PCSK5: variants seen among roughly 807,000 people sequenced by gnomAD.
The protein encoded by PCSK5 is prohormone convertase 5.
In PCSK5, 129 loss-of-function variants were observed where a neutral mutation model predicts 233.2. The observed-to-expected ratio is 0.55, with a 90% CI of 0.48 to 0.64. The LOEUF is 0.64. Among genes scored for constraint, PCSK5 ranks in the 30% least tolerant of loss-of-function variants. The pLI is 0.00. For missense variants in PCSK5, 2,076 were observed against 2,430.1 expected (o/e 0.85, Z 3.06); for synonymous variants, 825 against 879.2 (o/e 0.94, Z 1.09).
At chr9:76,331,120 C>T (rs889819821) in intron 33 of PCSK5, among the ~76,000 whole-genome samples, 1 of 152,176 alleles carries the variant, frequency 6.6e-6, no homozygotes, top group Non-Finnish European at 1.5e-5. Context: ...CTCACATTCT[C>T]TCTACCCTGT....
At chr9:76,327,963 AC>A in intron 32 of PCSK5, 45 bp from the exon 33 acceptor site, 1 of 1,258,644 alleles carries the variant, frequency 7.9e-7, no homozygotes. Context: ...CACGAGGGCC[AC>A]CCTGGCTCTC....
chr9:76,124,727 C>A, intron 9 of PCSK5, among the ~76,000 whole-genome samples: 1 of 116,370 alleles, frequency 8.6e-6, no homozygotes. Context: ...AGCCTGGCGA[C>A]AGAGCAAGAC....
chr9:76,065,814 T>C (rs911356873), intron 5 of PCSK5, among the ~76,000 whole-genome samples: 2 of 152,048 alleles, frequency 1.3e-5, no homozygotes, highest in Admixed American at 6.6e-5. Context: ...TTGATTTCCA[T>C]ATAGGGTGCG....
At chr9:76,111,601 A>G (rs1054220453) in intron 9 of PCSK5, among the ~76,000 whole-genome samples, 5 of 152,038 alleles carry the variant, frequency 3.3e-5, no homozygotes, top group African/African-American at 9.7e-5. Context: ...TTTTTTGGTA[A>G]CTTTCTGGTG....
intron 20 of PCSK5, among the ~76,000 whole-genome samples, chr9:76,217,795 C>T (rs2131295991): frequency 6.6e-6 from 1 of 152,290 alleles, no homozygotes; most frequent in African/African-American, 2.4e-5. Context: ...CAGCCTAAAG[C>T]TCTGATAGGA....
chr9:76,206,969 G>GT (rs1340848427), intron 20 of PCSK5, among the ~76,000 whole-genome samples: 1 of 152,116 alleles, frequency 6.6e-6, no homozygotes, highest in East Asian at 1.9e-4. Flanking sequence ...CCATTTTCTT[G>GT]TTTTTTTCAG....
chr9:76,327,981 T>G, intron 32 of PCSK5, 28 bp from the exon 33 acceptor site: 1 of 1,474,696 alleles, frequency 6.8e-7, no homozygotes, highest in Non-Finnish European at 9.5e-7. Context: ...TCTCGCTCAC[T>G]CTGTCTGCTG....
intron 2 of PCSK5, among the ~76,000 whole-genome samples, chr9:75,961,929 G>A (rs2131345334): frequency 6.6e-6 from 1 of 152,326 alleles, no homozygotes; most frequent in South Asian, 2.1e-4. Context: ...ACTAATTCTG[G>A]TATTGATTAT....
At chr9:76,345,921 T>C (rs1467538243) in intron 35 of PCSK5, among the ~76,000 whole-genome samples, 1 of 152,046 alleles carries the variant, frequency 6.6e-6, no homozygotes, top group Non-Finnish European at 1.5e-5. Context: ...GGTTTCACCA[T>C]GTTGGCCAGG....
At chr9:76,167,910 C>A (rs1359848866) in intron 12 of PCSK5, among the ~76,000 whole-genome samples, 5 of 152,102 alleles carry the variant, frequency 3.3e-5, no homozygotes, top group African/African-American at 1.2e-4. Flanking sequence ...CATGATTGCC[C>A]CTAAGAAAAT....
At chr9:76,243,020 TG>T (rs1478773218) in intron 24 of PCSK5, among the ~76,000 whole-genome samples, 1 of 152,310 alleles carries the variant, frequency 6.6e-6, no homozygotes, top group African/African-American at 2.4e-5. Context: ...AAGAAAACCA[TG>T]GTCACTAGGT....
intron 35 of PCSK5, among the ~76,000 whole-genome samples, chr9:76,346,999 C>T (rs1258352270): frequency 6.6e-6 from 1 of 152,130 alleles, no homozygotes; most frequent in Admixed American, 6.6e-5. Context: ...GTAACTGACA[C>T]CTCCATAATT....
intron 8 of PCSK5, among the ~76,000 whole-genome samples, chr9:76,099,977 G>A (rs1372701795): frequency 2.6e-5 from 4 of 152,204 alleles, no homozygotes; most frequent in Non-Finnish European, 4.4e-5. Context: ...TTCTGGGAAA[G>A]CATTTTTGTT....
intron 3 of PCSK5, among the ~76,000 whole-genome samples, chr9:76,010,777 A>G (rs959281584): frequency 5.3e-5 from 8 of 152,190 alleles, no homozygotes; most frequent in Non-Finnish European, 5.9e-5. Context: ...TTGGAAAACT[A>G]TGTTCTAAAA....
intron 5 of PCSK5, among the ~76,000 whole-genome samples, chr9:76,035,440 G>T (rs1019240075): frequency 6.6e-6 from 1 of 152,176 alleles, no homozygotes; most frequent in Admixed American, 6.5e-5. Context: ...AGAACTCCTT[G>T]TTTTTCTCTG....
intron 5 of PCSK5, among the ~76,000 whole-genome samples, chr9:76,031,344 A>T (rs1490330694): frequency 6.6e-6 from 1 of 152,150 alleles, no homozygotes. Flanking sequence ...TTTTGAGCTA[A>T]CAACTGAGCT....
chr9:76,051,890 C>G (rs1290317735), intron 5 of PCSK5, among the ~76,000 whole-genome samples: 1 of 152,142 alleles, frequency 6.6e-6, no homozygotes, highest in African/African-American at 2.4e-5. Context: ...AAACAGAACC[C>G]TCTGATAGAG....
At chr9:75,979,711 A>T (rs1341524251) in intron 2 of PCSK5, among the ~76,000 whole-genome samples, 1 of 152,224 alleles carries the variant, frequency 6.6e-6, no homozygotes, top group Non-Finnish European at 1.5e-5. Flanking sequence ...TTCTTTGAGA[A>T]ATCTGCACAG....
intron 5 of PCSK5, among the ~76,000 whole-genome samples, chr9:76,045,918 T>G (rs879542810): frequency 3.9e-5 from 6 of 152,108 alleles, no homozygotes; most frequent in Non-Finnish European, 7.4e-5. Flanking sequence ...TCTGAGAGAT[T>G]GTTAGTTAAT....
Sources: gnomAD v4.1 joint callset for allele counts (sites outside exome capture counted in the v4.1 genomes callset) on GRCh38, gnomAD v4.1.1 for gene constraint, MANE v1.5 for transcripts, NCBI Gene and HGNC (gene_info 2026-07-23, HGNC 2026-07-21) for gene names.